The following ZNF18 variants were observed in gnomAD, a reference collection of about 807,000 sequenced individuals.
ZNF18 encodes zinc finger protein 18.
Under a neutral mutation model 58.1 loss-of-function variants are expected in ZNF18, and 42 were observed. The observed-to-expected ratio is 0.72, with a 90% CI of 0.56 to 0.93. ZNF18 has a LOEUF of 0.93. Among genes scored for constraint, ZNF18 ranks in the 40% least tolerant of loss-of-function variants. The pLI, the probability that ZNF18 is intolerant of heterozygous loss-of-function variation, is 0.00. For synonymous variants in ZNF18, 231 were observed against 239.8 expected (o/e 0.96, Z 0.34); for missense variants, 540 against 644.2 (o/e 0.84, Z 1.75).
the ZNF18 span, among the ~76,000 whole-genome samples, chr17:12,004,730 T>TA: frequency 6.6e-6 from 1 of 151,626 alleles, no homozygotes; most frequent in Non-Finnish European, 1.5e-5. Context: ...CTACTAAAAA[T>TA]ACAAAAATTA....
chr17:11,985,242 G>T (rs904154863), intron 4 of ZNF18, among the ~76,000 whole-genome samples: 1 of 152,100 alleles, frequency 6.6e-6, no homozygotes, highest in African/African-American at 2.4e-5. Flanking sequence ...ATACAGCTAG[G>T]GTCTGCTTTC....
At chr17:11,992,317 G>T in intron 2 of ZNF18, 126 bp downstream of exon 2, 5 of 1,212,692 alleles carry the variant, frequency 4.1e-6, no homozygotes, top group South Asian at 1.5e-5. Flanking sequence ...TCACAGAATT[G>T]GCCATTGGTG....
chr17:12,014,826 G>A, the ZNF18 span, among the ~76,000 whole-genome samples: 5 of 152,130 alleles, frequency 3.3e-5, no homozygotes, highest in Admixed American at 6.6e-5. Flanking sequence ...CGAGGCAGGC[G>A]GATCACAAAG....
chr17:11,992,980 A>G (rs756817356), intron 1 of ZNF18, 69 bp from the exon 2 acceptor site: 231 of 913,168 alleles, frequency 2.5e-4, no homozygotes, highest in Non-Finnish European at 3.3e-4. Context: ...ACAAATTCAC[A>G]TGCCCTACCC....
chr17:12,015,853 A>T, the ZNF18 span, among the ~76,000 whole-genome samples: 2 of 151,682 alleles, frequency 1.3e-5, no homozygotes, highest in Admixed American at 6.6e-5. Context: ...CAGCAGCGCG[A>T]TCTCGGCTCA....
chr17:12,003,926 T>C, the ZNF18 span, among the ~76,000 whole-genome samples: 1 of 152,128 alleles, frequency 6.6e-6, no homozygotes, highest in Non-Finnish European at 1.5e-5. Context: ...GCCCACACCA[T>C]GGAGCAGTTA....
rs753265712 is a variant in ZNF18, at chr17:11,977,956, G to C, written c.*1C>G. 1.3e-6 allele frequency: 2 copies of C among 1,552,508 alleles called. No homozygotes were observed. Among genetic ancestry groups the C allele is most frequent in the Non-Finnish European group, 1.7e-6 (2 of 1,152,632 alleles). On this transcript the variant is annotated 3_prime_UTR_variant, in exon 7 of 7. Transcript: ENST00000580306. ...ATGGGGAAAGAGAGTTTGGTTACTG[G>C]CTATTGAAAGGGCTTCTTTCCTAAG...
chr17:12,009,467 T>C, the ZNF18 span, among the ~76,000 whole-genome samples: 2 of 151,656 alleles, frequency 1.3e-5, no homozygotes, highest in Non-Finnish European at 2.9e-5. Flanking sequence ...CTTTTTCTTT[T>C]TTCGAGACAG....
chr17:12,021,232 C>T, the ZNF18 span: 3 of 299,270 alleles, frequency 1.0e-5, no homozygotes, highest in Non-Finnish European at 1.8e-5. Context: ...TGCGCTTGGC[C>T]CCTGGGCCCT....
the ZNF18 span, among the ~76,000 whole-genome samples, chr17:12,012,784 T>C: frequency 3.3e-5 from 5 of 152,178 alleles, no homozygotes; most frequent in East Asian, 1.9e-4. Context: ...CAAGTGATCC[T>C]CCTGCCTTGG....
At chr17:12,007,311 C>T in the ZNF18 span, among the ~76,000 whole-genome samples, 1 of 152,202 alleles carries the variant, frequency 6.6e-6, no homozygotes, top group African/African-American at 2.4e-5. Context: ...TTCTTTATCT[C>T]ATTAGCCAGG....
At chr17:11,991,642 T>C (rs1177340284) in intron 2 of ZNF18, among the ~76,000 whole-genome samples, 2 of 152,128 alleles carry the variant, frequency 1.3e-5, no homozygotes, top group Non-Finnish European at 2.9e-5. Context: ...CCTAAAACCC[T>C]GGTAATTTCT....
intron 4 of ZNF18, among the ~76,000 whole-genome samples, chr17:11,987,954 A>G (rs1289305565): frequency 6.6e-6 from 1 of 152,174 alleles, no homozygotes; most frequent in Non-Finnish European, 1.5e-5. Flanking sequence ...AGCATTACCT[A>G]CTGCCTTCTC....
At chr17:12,021,048 C>T in the ZNF18 span, 3 of 1,126,760 alleles carry the variant, frequency 2.7e-6, no homozygotes, top group Non-Finnish European at 3.3e-6. Flanking sequence ...AGCGCGGCAA[C>T]CCGCGTCGTC....
chr17:11,983,655 G>C (rs894565230), intron 5 of ZNF18, among the ~76,000 whole-genome samples: 2 of 152,132 alleles, frequency 1.3e-5, no homozygotes, highest in Non-Finnish European at 1.5e-5. Context: ...TAGACTACCT[G>C]GCAGGCTGGT....
rs761826934 is a variant in ZNF18, at chr17:11,978,042, C to G, written c.1565G>C (p.Cys522Ser). The G allele has an allele frequency of 5.6e-6, 9 of 1,612,874 alleles. No homozygotes were observed. Among genetic ancestry groups the G allele is most frequent in the Non-Finnish European group, 7.6e-6 (9 of 1,179,592 alleles). The change falls in exon 7 of 7, where the codon TGT becomes TCT. Residue 522 changes from cysteine to serine, a missense_variant. Coordinates refer to ENST00000580306, the MANE Select transcript of ZNF18 (RefSeq NM_001303281.2). Reference sequence around the variant, plus strand: ...GCTGAAACTTTTCCCACAGTGCGAACATTTATAAGGTTTCTCTCCAGTGTG... The same window carrying G: ...GCTGAAACTTTTCCCACAGTGCGAAGATTTATAAGGTTTCTCTCCAGTGTG... ...RVHTGEKPYK[C>S]SHCGKSFSWS...
chr17:11,986,962 C>A (rs2151478200), intron 4 of ZNF18, among the ~76,000 whole-genome samples: 1 of 152,336 alleles, frequency 6.6e-6, no homozygotes. Context: ...CTTAAAAACA[C>A]AAATTTACTC....
At chr17:11,985,549 TTAAC>T (rs1247029299) in intron 4 of ZNF18, among the ~76,000 whole-genome samples, 3 of 151,998 alleles carry the variant, frequency 2.0e-5, no homozygotes, top group Non-Finnish European at 2.9e-5. Context: ...TATCCATTTA[TTAAC>T]TATTTATGTG....
upstream of ZNF18, among the ~76,000 whole-genome samples, chr17:11,998,960 G>T (rs9912527): frequency 6.6e-6 from 1 of 151,706 alleles, no homozygotes; most frequent in South Asian, 2.1e-4. Flanking sequence ...ACAGGCATGA[G>T]CCATGGCACC....
Sources: allele counts gnomAD v4.1 joint callset (sites outside exome capture counted in the v4.1 genomes callset), GRCh38; gene constraint gnomAD v4.1.1; transcripts MANE v1.5; gene names NCBI Gene and HGNC (gene_info 2026-07-23, HGNC 2026-07-21).